The following AP1G1 variants were observed in gnomAD, a reference collection of about 807,000 sequenced individuals.
The protein encoded by AP1G1 is AP-1 complex subunit gamma-1.
AP1G1 carries 7 observed loss-of-function variants against 108.3 expected under a neutral mutation model. The ratio of observed to expected loss-of-function variants is 0.06; its 90% CI spans 0.04 to 0.12. AP1G1 has a LOEUF of 0.12. Ranked by LOEUF, AP1G1 falls within the 10% of genes least tolerant of loss-of-function variation. The pLI is 1.00. For synonymous variants in AP1G1, 379 were observed against 353.5 expected (o/e 1.07, Z -0.81); for missense variants, 756 against 1,010.7 (o/e 0.75, Z 3.42).
chr16:71,805,950 G>A (rs2032983334), intron 1 of AP1G1, among the ~76,000 whole-genome samples: 1 of 151,836 alleles, frequency 6.6e-6, no homozygotes, highest in African/African-American at 2.4e-5. Flanking sequence ...GAGTCCAGGA[G>A]GTCCAGGCTG....
At chr16:71,777,362 T>G (rs1313041777) in intron 2 of AP1G1, among the ~76,000 whole-genome samples, 1 of 151,140 alleles carries the variant, frequency 6.6e-6, no homozygotes, top group South Asian at 2.1e-4. Flanking sequence ...GAGGAGCAAC[T>G]GGGGGCCAGC....
intron 6 of AP1G1, among the ~76,000 whole-genome samples, chr16:71,766,270 A>G (rs149802986): frequency 6.6e-6 from 1 of 152,094 alleles, no homozygotes. Context: ...GGACTTATTT[A>G]TATATATGGC....
At chr16:71,805,253 G>C (rs1024138430) in intron 1 of AP1G1, among the ~76,000 whole-genome samples, 6 of 152,030 alleles carry the variant, frequency 3.9e-5, no homozygotes, top group Non-Finnish European at 8.8e-5. Flanking sequence ...TTCGAGACCA[G>C]CCTAGCCAAC....
intron 2 of AP1G1, among the ~76,000 whole-genome samples, chr16:71,784,267 G>C (rs959351076): frequency 6.6e-6 from 1 of 152,110 alleles, no homozygotes; most frequent in African/African-American, 2.4e-5. Flanking sequence ...TTACAGATGA[G>C]GAAACTGAGA....
chr16:71,789,206 G>C (rs2032313568), intron 2 of AP1G1, 73 bp downstream of exon 2: 1 of 1,418,644 alleles, frequency 7.0e-7, no homozygotes, highest in Non-Finnish European at 9.7e-7. Flanking sequence ...CTCCCCACCA[G>C]AAAAAGATGG....
intron 1 of AP1G1, among the ~76,000 whole-genome samples, chr16:71,804,365 C>A (rs947047526): frequency 2.0e-4 from 30 of 149,064 alleles, no homozygotes; most frequent in African/African-American, 7.4e-4. Context: ...CATTTCAAAA[C>A]CTGTAAGCCA....
rs372254658 is a variant in AP1G1 at position 71,785,607 on chromosome 16, G to A, written c.201+3672C>T. On this transcript the variant is annotated intron_variant, in intron 2 of 22. Coordinates refer to ENST00000299980, the MANE Select transcript of AP1G1 (RefSeq NM_001128.6). Reference sequence around the variant, plus strand: ...AAAAAAAAAAAAAAAAAAGTGGGCTGGGAATGGTGGCTCACGCCTGTAATC... The same window carrying A: ...AAAAAAAAAAAAAAAAAAGTGGGCTAGGAATGGTGGCTCACGCCTGTAATC... 2.2e-3 allele frequency among the ~76,000 whole-genome samples: 332 copies of A among 150,676 alleles called. 1 individual carries two copies. The highest frequency in any genetic ancestry group is 4.0e-3 in the Non-Finnish European group (270 of 67,734).
chr16:71,748,081 C>A (rs929573272), intron 16 of AP1G1, among the ~76,000 whole-genome samples, 170 bp downstream of exon 16: 2 of 152,208 alleles, frequency 1.3e-5, no homozygotes, highest in African/African-American at 4.8e-5. Context: ...TAAAGATTAA[C>A]CACAAATTGA....
At chr16:71,772,118 A>G (rs1003891941) in intron 4 of AP1G1, among the ~76,000 whole-genome samples, 2 of 142,632 alleles carry the variant, frequency 1.4e-5, no homozygotes, top group Non-Finnish European at 3.0e-5. Flanking sequence ...AGGAAAAAAT[A>G]TCTTTTTTTC....
chr16:71,782,336 G>A (rs1403248587), intron 2 of AP1G1, among the ~76,000 whole-genome samples: 1 of 150,748 alleles, frequency 6.6e-6, no homozygotes, highest in East Asian at 2.0e-4. Flanking sequence ...GCTAATTTTT[G>A]TATTTTTAGT....
At chr16:71,755,458 A>T (rs1159584419) in intron 12 of AP1G1, among the ~76,000 whole-genome samples, 2 of 152,150 alleles carry the variant, frequency 1.3e-5, no homozygotes, top group Admixed American at 6.6e-5. Flanking sequence ...AAACAAAAAA[A>T]ACCAGCATCA....
chr16:71,761,474 T>C (rs531884310), intron 10 of AP1G1, 38 bp downstream of exon 10: 7 of 1,380,082 alleles, frequency 5.1e-6, no homozygotes, highest in Middle Eastern at 1.9e-4. Flanking sequence ...ACTGGGCTTA[T>C]AATATCCAAG....
At chr16:71,772,204 C>T (rs914564505) in intron 4 of AP1G1, among the ~76,000 whole-genome samples, 1 of 151,626 alleles carries the variant, frequency 6.6e-6, no homozygotes, top group African/African-American at 2.4e-5. Flanking sequence ...AATGTCGGCT[C>T]ACTGCAAGCT....
chr16:71,807,980 T>C, intron 1 of AP1G1: 1 of 1,232,740 alleles, frequency 8.1e-7, no homozygotes, highest in Non-Finnish European at 1.0e-6. Flanking sequence ...CCATTTAATC[T>C]GCTTCATAAA....
chr16:71,789,136 T>C (rs2032310619), intron 2 of AP1G1, 143 bp downstream of exon 2: 1 of 729,868 alleles, frequency 1.4e-6, no homozygotes, highest in Non-Finnish European at 2.3e-6. Context: ...GTCTGTGGCT[T>C]GCTCTCTCAA....
intron 1 of AP1G1, among the ~76,000 whole-genome samples, chr16:71,795,849 T>C (rs2032566744): frequency 6.6e-6 from 1 of 152,214 alleles, no homozygotes; most frequent in African/African-American, 2.4e-5. Context: ...ATTTCCCCTA[T>C]ATGAAGAAAT....
At chr16:71,776,377 T>C (rs992594215) in intron 2 of AP1G1, among the ~76,000 whole-genome samples, 1 of 152,222 alleles carries the variant, frequency 6.6e-6, no homozygotes, top group Non-Finnish European at 1.5e-5. Context: ...GAAAAGATTA[T>C]GTAAGTAACA....
intron 1 of AP1G1, among the ~76,000 whole-genome samples, chr16:71,789,814 AAAG>A (rs1208748123): frequency 6.6e-6 from 1 of 152,228 alleles, no homozygotes; most frequent in African/African-American, 2.4e-5. Context: ...CTCAATCCTT[AAAG>A]TAATAAGGAA....
At chr16:71,748,767 T>C (rs760052586) in intron 15 of AP1G1, among the ~76,000 whole-genome samples, 5 of 152,222 alleles carry the variant, frequency 3.3e-5, no homozygotes, top group Non-Finnish European at 5.9e-5. Context: ...CATGGATACA[T>C]GTCTCATTTC....
Sources: allele counts gnomAD v4.1 joint callset (sites outside exome capture counted in the v4.1 genomes callset), GRCh38; gene constraint gnomAD v4.1.1; transcripts MANE v1.5; gene names NCBI Gene and HGNC (gene_info 2026-07-23, HGNC 2026-07-21).